MYC: variants seen among roughly 807,000 people sequenced by gnomAD.
The protein encoded by MYC is myc proto-oncogene protein.
MYC carries 1 observed loss-of-function variant against 30.5 expected under a neutral mutation model. The observed-to-expected ratio is 0.03, with a 90% CI of 0.01 to 0.16. The LOEUF (loss-of-function observed/expected upper bound fraction) is 0.16, where lower values mean the gene tolerates loss of function less well. MYC is among the 10% of genes least tolerant of loss of function. The probability of loss-of-function intolerance (pLI) is 1.00; values close to 1 mark genes in which losing one functional copy is unlikely to be tolerated. For missense variants in MYC, 508 were observed against 589.0 expected (o/e 0.86, Z 1.42); for synonymous variants, 267 against 250.7 (o/e 1.07, Z -0.62).
intron 2 of MYC, 45 bp from the exon 3 acceptor site, chr8:127,740,351 A>G: frequency 6.4e-7 from 1 of 1,556,914 alleles, no homozygotes; most frequent in Non-Finnish European, 8.8e-7. Flanking sequence ...TGATTATTTT[A>G]ATGTAACCTT....
chr8:127,739,694 G>T (rs1813675746), intron 2 of MYC, among the ~76,000 whole-genome samples: 1 of 151,724 alleles, frequency 6.6e-6, no homozygotes, highest in Middle Eastern at 3.4e-3. Context: ...GTAAAATAGG[G>T]AGTTGCTAAA....
Position 127,736,255 on chromosome 8 carries a change from G to C in MYC, c.-339G>C, listed in dbSNP as rs1443882681. ...TAACTCGCTGTAGTAATTCCAGCGA[G>C]AGGCAGAGGGAGCGAGCGGGCGGCC... On this transcript the variant is annotated 5_prime_UTR_variant, in exon 1 of 3. Transcript: ENST00000621592. 3.7e-6 allele frequency: 2 copies of C among 534,602 alleles called. No homozygotes were observed. Among genetic ancestry groups the C allele is most frequent in the Admixed American group, 3.6e-5 (1 of 28,168 alleles). The allele number at this position is 534,602 out of a possible 1,614,324, so 33.1% of individuals were successfully genotyped here.
rs1469075079 is a variant in MYC at position 127,738,780 on chromosome 8, C to T, written c.563C>T (p.Thr188Ile). The change falls in exon 2 of 3, where the codon ACC (threonine) becomes ATC (isoleucine). Residue 188 changes from threonine (T) to isoleucine (I), a missense_variant. Coordinates refer to ENST00000621592, the MANE Select transcript of MYC (RefSeq NM_002467.6). The surrounding 1 kb of genome is among the most constrained non-coding windows in gnomAD (Gnocchi z 7.6). ...GCCCGCGGCCACAGCGTCTGCTCCA[C>T]CTCCAGCTTGTACCTGCAGGATCTG... 6.2e-7 allele frequency: 1 copy of T among 1,610,394 alleles called. No individual in the cohort carries two copies. The highest frequency in any genetic ancestry group is 8.5e-7 in the Non-Finnish European group (1 of 1,177,958).
rs1017828696 is a variant in MYC, at chr8:127,738,088, C to T, written c.31-160C>T. On this transcript the variant is annotated intron_variant, in intron 1 of 2. Transcript: ENST00000621592. The surrounding 1 kb of genome is among the most constrained non-coding windows in gnomAD (Gnocchi z 7.6). Reference sequence around the variant, plus strand: ...ACTGTCCAAAGGGGGTGAAAGGGTGCTCCCTTTATTCCCCCACCAAGACCA... The same window carrying T: ...ACTGTCCAAAGGGGGTGAAAGGGTGTTCCCTTTATTCCCCCACCAAGACCA... Among the ~76,000 whole-genome samples the T allele has an allele frequency of 6.6e-6, 1 of 152,164 alleles. No homozygotes were observed. Among genetic ancestry groups the T allele is most frequent in the Non-Finnish European group, 1.5e-5 (1 of 68,008 alleles).
At chr8:127,736,126 C>G, upstream of MYC, 1 of 427,188 alleles carries the variant, frequency 2.3e-6, no homozygotes, top group South Asian at 8.6e-5. Flanking sequence ...GTCCCTGGCT[C>G]CCCTCCTGCC....
In MYC at chr8:127,736,302, C is replaced by A. The variant is rs1319588600; in HGVS notation, c.-292C>A. 5.4e-6 allele frequency: 3 copies of A among 554,624 alleles called. No homozygotes were observed. Among genetic ancestry groups the A allele is most frequent in the South Asian group, 2.5e-5 (1 of 40,098 alleles). The allele number at this position is 554,624 out of a possible 1,614,324, so 34.4% of individuals were successfully genotyped here. On this transcript the variant is annotated 5_prime_UTR_variant, in exon 1 of 3. Transcript: ENST00000621592. The stretch of plus-strand genomic sequence containing the variant: ...GGCCGGCTAGGGTGGAAGAGCCGGG[C>A]GAGCAGAGCTGCGCTGCGGGCGTCC...
chr8:127,739,656 A>ATT lies in MYC; in HGVS notation c.802+649_802+650dup, dbSNP rs5894898. ...CTCTTGGACTTTTGGCAAAACTGCA[A>ATT]TTTTTTTTTTTTTATTTTTCATTTC... On this transcript the variant is annotated intron_variant, in intron 2 of 2. Transcript: ENST00000621592. Among the ~76,000 whole-genome samples, 29 of 148,076 alleles carry ATT rather than the reference A, an allele frequency of 2.0e-4. No individual in the cohort carries two copies. The South Asian group carries it at 3.4e-3, about 17-fold the overall frequency.
chr8:127,738,448 C>G lies in MYC; in HGVS notation c.231C>G (p.Ser77=). Residue 77 remains serine, a synonymous_variant, in exon 2 of 3, where the codon TCC becomes TCG. Coordinates refer to ENST00000621592, the MANE Select transcript of MYC (RefSeq NM_002467.6). This position sits in a 1 kb window ranked among gnomAD's most constrained non-coding sequence, Gnocchi z 7.6. Reference sequence around the variant, plus strand: ...AGCTGCTGCCCACCCCGCCCCTGTCCCCTAGCCGCCGCTCCGGGCTCTGCT... The same window carrying G: ...AGCTGCTGCCCACCCCGCCCCTGTCGCCTAGCCGCCGCTCCGGGCTCTGCT... 1 of 1,608,438 alleles carries G rather than the reference C, an allele frequency of 6.2e-7. No homozygotes were observed. Among genetic ancestry groups the G allele is most frequent in the Non-Finnish European group, 8.5e-7 (1 of 1,176,288 alleles).
chr8:127,736,403 C>G lies in MYC; in HGVS notation c.-191C>G. The G allele has an allele frequency of 3.1e-6, 2 of 636,282 alleles. No homozygotes were observed. Among genetic ancestry groups the G allele is most frequent in the Non-Finnish European group, 5.5e-6 (2 of 364,320 alleles). 39.4% of individuals were successfully genotyped at this position (636,282 alleles called of 1,614,324 possible). ...TCCCGCTGATCCCCCAGCCAGCGGT[C>G]CGCAACCCTTGCCGCATCCACGAAA... On this transcript the variant is annotated 5_prime_UTR_variant, in exon 1 of 3. Transcript: ENST00000621592.
intron 1 of MYC, 47 bp downstream of exon 1, chr8:127,736,670 T>G: frequency 6.3e-7 from 1 of 1,598,656 alleles, no homozygotes; most frequent in Non-Finnish European, 8.6e-7. Context: ...TTTTATCACT[T>G]TAATGCTGAG....
rs1304464370 is a variant in MYC at position 127,741,317 on chromosome 8, T to TA, written c.*360dup. 1 of 242,606 alleles carries TA rather than the reference T, an allele frequency of 4.1e-6. No homozygotes were observed. Among genetic ancestry groups the TA allele is most frequent in the African/African-American group, 2.2e-5 (1 of 45,624 alleles). The allele number at this position is 242,606 out of a possible 1,614,324, so 15.0% of individuals were successfully genotyped here. ...AGTATATAGTACCTAGTATTATAGGTACTATAAACCCTAATTTTTTTTATT... is the reference window on the plus strand; with the variant it reads ...AGTATATAGTACCTAGTATTATAGGTAACTATAAACCCTAATTTTTTTTATT... On this transcript the variant is annotated 3_prime_UTR_variant, in exon 3 of 3. Coordinates refer to ENST00000621592, the MANE Select transcript of MYC (RefSeq NM_002467.6).
At position 127,738,727 on chromosome 8, in the gene MYC, G is replaced by C. The variant is rs1242616529; in HGVS notation, c.510G>C (p.Ala170=). Reference sequence around the variant, plus strand: ...AGAAGCTGGCCTCCTACCAGGCTGCGCGCAAAGACAGCGGCAGCCCGAACC... The same window carrying C: ...AGAAGCTGGCCTCCTACCAGGCTGCCCGCAAAGACAGCGGCAGCCCGAACC... The change falls in exon 2 of 3, where the codon GCG becomes GCC. Residue 170 remains alanine, a synonymous_variant. Coordinates refer to ENST00000621592, the MANE Select transcript of MYC (RefSeq NM_002467.6). The surrounding 1 kb of genome is among the most constrained non-coding windows in gnomAD (Gnocchi z 7.6). 2 of 1,613,880 alleles carry C rather than the reference G, an allele frequency of 1.2e-6. No homozygotes were observed. The highest frequency in any genetic ancestry group is 1.6e-4 in the Middle Eastern group (1 of 6,062).
rs779800218 is a variant in MYC, at chr8:127,736,318, G to A, written c.-276G>A. The A allele has an allele frequency of 8.5e-6, 5 of 587,280 alleles. No individual in the cohort carries two copies. The highest frequency in any genetic ancestry group is 3.1e-5 in the Admixed American group (1 of 31,812). 36.4% of individuals were successfully genotyped at this position (587,280 alleles called of 1,614,324 possible). On this transcript the variant is annotated 5_prime_UTR_variant, in exon 1 of 3. Transcript: ENST00000621592. ...AGAGCCGGGCGAGCAGAGCTGCGCT[G>A]CGGGCGTCCTGGGAAGGGAGATCCG...
At chr8:127,736,956 T>G (rs1196746066) in intron 1 of MYC, among the ~76,000 whole-genome samples, 1 of 152,206 alleles carries the variant, frequency 6.6e-6, no homozygotes, top group South Asian at 2.1e-4. Context: ...TCTCTGGGTT[T>G]TGGGGGGCTG....
At chr8:127,739,167 TGGG>T in intron 2 of MYC, 148 bp downstream of exon 2, 1 of 930,874 alleles carries the variant, frequency 1.1e-6, no homozygotes. Context: ...TCTGAAACCT[TGGG>T]CTTTAGCGTT....
intron 2 of MYC, 30 bp from the exon 3 acceptor site, chr8:127,740,361 TGCTAA>T (rs1813688878): frequency 1.3e-6 from 2 of 1,586,372 alleles, no homozygotes; most frequent in East Asian, 4.5e-5. Context: ...AATGTAACCT[TGCTAA>T]AGGAGTGATT....
In MYC at chr8:127,740,592, C is replaced by T. The variant is rs2130104158; in HGVS notation, c.999C>T (p.Asp333=). The T allele has an allele frequency of 6.2e-7, 1 of 1,614,090 alleles. No individual in the cohort carries two copies. ...CAGCGCCTCCCTCCACTCGGAAGGA[C>T]TATCCTGCTGCCAAGAGGGTCAAGT... Residue 333 remains aspartate (D), a synonymous_variant, in exon 3 of 3, where the codon GAC becomes GAT. Coordinates refer to ENST00000621592, the MANE Select transcript of MYC (RefSeq NM_002467.6).
intron 2 of MYC, 45 bp downstream of exon 2, chr8:127,739,064 A>T: frequency 7.0e-7 from 1 of 1,436,372 alleles, no homozygotes; most frequent in Non-Finnish European, 9.1e-7. Context: ...GCGGCTGGAT[A>T]CCTTTCCCAT....
At position 127,738,455 on chromosome 8, in the gene MYC, C is replaced by T. The variant is rs1460265619; in HGVS notation, c.238C>T (p.Arg80Cys). 1.2e-6 allele frequency: 2 copies of T among 1,607,488 alleles called. No individual in the cohort carries two copies. Among genetic ancestry groups the T allele is most frequent in the South Asian group, 2.2e-5 (2 of 90,312 alleles). The stretch of plus-strand genomic sequence containing the variant: ...GCCCACCCCGCCCCTGTCCCCTAGC[C>T]GCCGCTCCGGGCTCTGCTCGCCCTC... Residue 80 changes from arginine to cysteine, a missense_variant, in exon 2 of 3, where the codon CGC becomes TGC. Transcript: ENST00000621592. The surrounding 1 kb of genome is among the most constrained non-coding windows in gnomAD (Gnocchi z 7.6).
Sources: gnomAD v4.1 joint callset for allele counts (sites outside exome capture counted in the v4.1 genomes callset) on GRCh38, gnomAD v4.1.1 for gene constraint, Gnocchi (gnomAD v3.1) non-coding constraint, MANE v1.5 for transcripts, NCBI Gene and HGNC (gene_info 2026-07-23, HGNC 2026-07-21) for gene names.